Variants in ARHGAP27 observed in about 807,000 individuals in gnomAD.
ARHGAP27 encodes Rho GTPase activating protein 27.
A neutral mutation model predicts 102.0 loss-of-function variants in ARHGAP27; 53 were observed. That is an observed-to-expected ratio of 0.52 (90% CI 0.42 to 0.65). ARHGAP27 has a LOEUF of 0.65. ARHGAP27 is among the 30% of genes least tolerant of loss of function. The pLI is 0.00. For missense variants in ARHGAP27, 1,117 were observed against 1,256.2 expected (o/e 0.89, Z 1.68); for synonymous variants, 525 against 542.8 (o/e 0.97, Z 0.46).
chr17:45,395,939 G>A (rs562089381), intron 18 of ARHGAP27, 44 bp downstream of exon 18: 5 of 1,571,444 alleles, frequency 3.2e-6, no homozygotes, highest in African/African-American at 2.7e-5. Flanking sequence ...GGGGTGCCCC[G>A]CCACGCCCCT....
At position 45,422,469 on chromosome 17, in the gene ARHGAP27, A is replaced by C. The variant is rs572875036; in HGVS notation, c.657+7154T>G. 4.0e-4 allele frequency among the ~76,000 whole-genome samples: 61 copies of C among 152,250 alleles called. 1 individual carries two copies. The South Asian group carries it at 0.012, about 31-fold the overall frequency. On this transcript the variant is annotated intron_variant, in intron 4 of 19. Coordinates refer to ENST00000685559, the MANE Select transcript of ARHGAP27 (RefSeq NM_001282290.2). The stretch of plus-strand genomic sequence containing the variant: ...ATACAAGAAATTAGTAGTTTCAAAA[A>C]ATGATAATAGTAGGAAATAAAAGAA...
At chr17:45,410,316 A>G in intron 4 of ARHGAP27, 1 of 1,493,850 alleles carries the variant, frequency 6.7e-7, no homozygotes, top group South Asian at 1.3e-5. Flanking sequence ...GCCGGGACAG[A>G]GCCCTGGGAA....
In ARHGAP27 at chr17:45,395,175, G is replaced by A. The variant is rs967938131; in HGVS notation, c.*281C>T. Reference sequence around the variant, plus strand: ...CACCCCCACACACGCTATCGCACACGCACAGTAGGCGCGATGCAACAGAGA... The same window carrying A: ...CACCCCCACACACGCTATCGCACACACACAGTAGGCGCGATGCAACAGAGA... On this transcript the variant is annotated 3_prime_UTR_variant, in exon 20 of 20. Transcript: ENST00000685559. 2 of 513,982 alleles carry A rather than the reference G, an allele frequency of 3.9e-6. No homozygotes were observed. Among genetic ancestry groups the A allele is most frequent in the Non-Finnish European group, 6.9e-6 (2 of 289,254 alleles). The allele number at this position is 513,982 out of a possible 1,614,324, so 31.8% of individuals were successfully genotyped here. A position where few individuals can be genotyped will look rare whatever the true frequency, so the allele number is the denominator to read the frequency against.
At chr17:45,420,899 C>T (rs2048966315) in intron 4 of ARHGAP27, among the ~76,000 whole-genome samples, 2 of 134,952 alleles carry the variant, frequency 1.5e-5, no homozygotes, top group South Asian at 2.4e-4. Flanking sequence ...TGCAGTGAGC[C>T]GAGATCATGC....
intron 4 of ARHGAP27, among the ~76,000 whole-genome samples, chr17:45,428,332 T>C (rs935881180): frequency 2.0e-5 from 3 of 152,264 alleles, no homozygotes; most frequent in Non-Finnish European, 4.4e-5. Flanking sequence ...GACCCCCTGC[T>C]GCTGTCAAGC....
intron 4 of ARHGAP27, chr17:45,425,720 G>T: frequency 4.5e-6 from 4 of 880,020 alleles, no homozygotes; most frequent in Non-Finnish European, 5.5e-6. Context: ...CAGCAGGGGC[G>T]GGCTCCAGGC....
At chr17:45,410,104 G>A in intron 4 of ARHGAP27, 1 of 1,212,888 alleles carries the variant, frequency 8.2e-7, no homozygotes, top group South Asian at 1.5e-5. Flanking sequence ...CTCCGAGAAG[G>A]AAAGAGAAAA....
intron 4 of ARHGAP27, among the ~76,000 whole-genome samples, chr17:45,416,026 G>GTTTT (rs1380133782): frequency 6.8e-6 from 1 of 147,048 alleles, no homozygotes. Context: ...GCATGCTGAA[G>GTTTT]TTTTTGTTTT....
At chr17:45,420,730 G>T (rs548978830) in intron 4 of ARHGAP27, among the ~76,000 whole-genome samples, 12 of 150,368 alleles carry the variant, frequency 8.0e-5, no homozygotes, top group Middle Eastern at 3.2e-3. Context: ...TGAGGCAGGC[G>T]GATCATGAGG....
At position 45,404,982 on chromosome 17, in the gene ARHGAP27, G is replaced by C; in HGVS notation, c.1190C>G (p.Ser397Cys). The change falls in exon 6 of 20, where the codon TCT becomes TGT. Residue 397 changes from serine (S) to cysteine (C), a missense_variant. Ser to Cys is a moderately radical substitution (Grantham distance 112, BLOSUM62 -1). This residue lies in a region of ARHGAP27 where 610 missense variants were observed against 716.4 expected (regional missense o/e 0.85). Coordinates refer to ENST00000685559, the MANE Select transcript of ARHGAP27 (RefSeq NM_001282290.2). ...CTGCTTGTCCTGGCTGACATGACAA[G>C]ACCAGCCGGGGGGTGTGGTCAAGGG... is the stretch of plus-strand genomic sequence containing the variant. ...TSPLTTPPGW[S>C]CHVSQDKQML... The C allele has an allele frequency of 6.2e-7, 1 of 1,614,114 alleles. No homozygotes were observed. Among genetic ancestry groups the C allele is most frequent in the Non-Finnish European group, 8.5e-7 (1 of 1,179,986 alleles).
intron 4 of ARHGAP27, among the ~76,000 whole-genome samples, chr17:45,418,738 G>A (rs2048728941): frequency 6.6e-6 from 1 of 152,254 alleles, no homozygotes; most frequent in Admixed American, 6.5e-5. Flanking sequence ...TGTGTCTGAG[G>A]TGGAGGCTCC....
At position 45,430,549 on chromosome 17, in the gene ARHGAP27, G is replaced by A. The variant is rs953517516; in HGVS notation, c.-18-252C>T. ...ATTCTAAGATTTGACCCTTGCTTCA[G>A]TCCTGCGGTGGGGAGATTGTGGGTA... On this transcript the variant is annotated intron_variant, in intron 3 of 19. Transcript: ENST00000685559. This position sits in a 1 kb window ranked among gnomAD's most constrained non-coding sequence, Gnocchi z 4.4. Among the ~76,000 whole-genome samples the A allele has an allele frequency of 3.3e-5, 5 of 152,236 alleles. No individual in the cohort carries two copies. Among genetic ancestry groups the A allele is most frequent in the African/African-American group, 1.2e-4 (5 of 41,466 alleles).
At position 45,430,131 on chromosome 17, in the gene ARHGAP27, C is replaced by G; in HGVS notation, c.149G>C (p.Arg50Pro). The change falls in exon 4 of 20, where the codon CGT becomes CCT. Residue 50 changes from arginine to proline, a missense_variant. Around this residue, in one of 3 missense-constraint regions of ARHGAP27, gnomAD observed 610 missense variants for 716.4 expected, o/e 0.85. Transcript: ENST00000685559. The surrounding 1 kb of genome is among the most constrained non-coding windows in gnomAD (Gnocchi z 4.4). ...RSTEHWWHVRREPGGRPFYLP... is the reference protein window; with the variant it reads ...RSTEHWWHVRPEPGGRPFYLP... ...GTAGAAGGGGCGGCCGCCGGGCTCA[C>G]GCCGCACGTGCCACCAGTGCTCGGT... The G allele has an allele frequency of 2.0e-5, 30 of 1,527,756 alleles. No homozygotes were observed. The highest frequency in any genetic ancestry group is 2.6e-5 in the Non-Finnish European group (30 of 1,143,788). 94.6% of individuals were successfully genotyped at this position (1,527,756 alleles called of 1,614,324 possible). A position where few individuals can be genotyped will look rare whatever the true frequency, so the allele number is the denominator to read the frequency against.
At chr17:45,406,822 T>C (rs1281616017) in intron 4 of ARHGAP27, among the ~76,000 whole-genome samples, 1 of 152,086 alleles carries the variant, frequency 6.6e-6, no homozygotes. Flanking sequence ...AGCTCTGGGA[T>C]TGGAATCAGC....
rs779728849 is a variant in ARHGAP27, at chr17:45,396,504, C to T, written c.2156G>A (p.Arg719His). ...RVPRFVQQCI[R>H]AVEARGLDID... ...GCACGTACCGCGGGCCTCGACGGCG[C>T]GGATGCACTGCTGCACGAAGCGTGG... is the stretch of plus-strand genomic sequence containing the variant. Residue 719 changes from arginine (R) to histidine (H), a missense_variant, in exon 16 of 20, where the codon CGC becomes CAC. This residue lies in a region of ARHGAP27 where 493 missense variants were observed against 505.5 expected (regional missense o/e 0.98). Coordinates refer to ENST00000685559, the MANE Select transcript of ARHGAP27 (RefSeq NM_001282290.2). The T allele has an allele frequency of 6.4e-6, 10 of 1,557,264 alleles. No homozygotes were observed. Among genetic ancestry groups the T allele is most frequent in the African/African-American group, 4.1e-5 (3 of 73,766 alleles).
At position 45,429,596 on chromosome 17, in the gene ARHGAP27, T is replaced by C. The variant is rs1217706031; in HGVS notation, c.657+27A>G. 1.0e-5 allele frequency: 16 copies of C among 1,576,012 alleles called. No homozygotes were observed. In the Admixed American group the frequency reaches 1.4e-4, roughly 14 times the overall value. On this transcript the variant is annotated intron_variant, in intron 4 of 19. Transcript: ENST00000685559. The stretch of plus-strand genomic sequence containing the variant: ...CGCGGTCCCTAGCGCGCCACCCGCC[T>C]CCGCGCCCCAGCGCCCGGGGAGGTA...
At chr17:45,424,474 T>C (rs1351263442) in intron 4 of ARHGAP27, among the ~76,000 whole-genome samples, 3 of 152,194 alleles carry the variant, frequency 2.0e-5, no homozygotes, top group African/African-American at 7.2e-5. Context: ...GTCACGATCA[T>C]GGACTTTCCC....
chr17:45,416,958 C>A (rs1281496583), intron 4 of ARHGAP27, among the ~76,000 whole-genome samples: 1 of 150,616 alleles, frequency 6.6e-6, no homozygotes, highest in Non-Finnish European at 1.5e-5. Flanking sequence ...AGTTTGAGAC[C>A]AGCCTGACCA....
intron 4 of ARHGAP27, among the ~76,000 whole-genome samples, chr17:45,415,114 C>G (rs1308439062): frequency 6.6e-6 from 1 of 151,500 alleles, no homozygotes; most frequent in Non-Finnish European, 1.5e-5. Flanking sequence ...CTCTGCATCT[C>G]CTTTTAACAA....
Sources: gnomAD v4.1 joint callset for allele counts (sites outside exome capture counted in the v4.1 genomes callset) on GRCh38, gnomAD v4.1.1 for gene constraint, gnomAD v4.1.1 regional missense constraint, Gnocchi (gnomAD v3.1) non-coding constraint, MANE v1.5 for transcripts, NCBI Gene and HGNC (gene_info 2026-07-23, HGNC 2026-07-21) for gene names.